AOPEP: variants seen among roughly 807,000 people sequenced by gnomAD.
The protein encoded by AOPEP is aminopeptidase O.
AOPEP carries 77 observed loss-of-function variants against 98.1 expected under a neutral mutation model. That is an observed-to-expected ratio of 0.78 (90% CI 0.65 to 0.95). The LOEUF is 0.95. Among genes scored for constraint, AOPEP ranks in the 40% least tolerant of loss-of-function variants. AOPEP has a pLI of 0.00. For synonymous variants in AOPEP, 346 were observed against 365.3 expected, an observed-to-expected ratio of 0.95 and a Z score of 0.60; for missense variants, 1,024 against 1,024.7, an observed-to-expected ratio of 1.00 and a Z score of 0.01.
intron 13 of AOPEP, among the ~76,000 whole-genome samples, chr9:95,031,759 T>C (rs1020680224): frequency 5.9e-5 from 9 of 152,222 alleles, no homozygotes; most frequent in African/African-American, 1.9e-4. Flanking sequence ...CTGGATCATG[T>C]CATTTCATGC....
chr9:94,831,859 C>A (rs184467199), intron 5 of AOPEP, among the ~76,000 whole-genome samples: 15 of 151,886 alleles, frequency 9.9e-5, no homozygotes, highest in African/African-American at 3.6e-4. Context: ...AACCACTGCT[C>A]AAGGAAATCA....
chr9:94,741,414 A>G (rs1833069127), intron 1 of AOPEP, among the ~76,000 whole-genome samples: 1 of 151,872 alleles, frequency 6.6e-6, no homozygotes, highest in African/African-American at 2.4e-5. Context: ...CTGGGACTAC[A>G]GGCGCCCGCC....
At chr9:94,773,212 G>T in intron 3 of AOPEP, 44 bp downstream of exon 3, 1 of 1,528,642 alleles carries the variant, frequency 6.5e-7, no homozygotes, top group Non-Finnish European at 8.9e-7. Flanking sequence ...TTGCACACAT[G>T]TGGACCCAGG....
In AOPEP at chr9:94,885,350, A is replaced by C. The variant is rs1172418484; in HGVS notation, c.1365-38636A>C. On this transcript the variant is annotated intron_variant, in intron 5 of 16. Coordinates refer to ENST00000375315, the MANE Select transcript of AOPEP (RefSeq NM_001193329.3). ...GGTGACAGAGTGAGATCCTGTCTCA[A>C]AAAAAAAAAAAAAAAAAAAAAAAAA... 1.6e-4 allele frequency among the ~76,000 whole-genome samples: 4 copies of C among 25,626 alleles called. No homozygotes were observed. In the East Asian group the frequency reaches 1.7e-3, roughly 11 times the overall value. The allele number at this position is 25,626 out of a possible 152,430, so 16.8% of individuals were successfully genotyped here. A position where few individuals can be genotyped will look rare whatever the true frequency, so the allele number is the denominator to read the frequency against.
At chr9:95,067,849 C>G (rs2068072257) in intron 14 of AOPEP, among the ~76,000 whole-genome samples, 1 of 152,188 alleles carries the variant, frequency 6.6e-6, no homozygotes, top group Admixed American at 6.5e-5. Context: ...TCATCCCTAG[C>G]TCCCCAGTCC....
At chr9:95,042,605 A>G (rs1213249686) in intron 13 of AOPEP, among the ~76,000 whole-genome samples, 1 of 152,186 alleles carries the variant, frequency 6.6e-6, no homozygotes, top group African/African-American at 2.4e-5. Flanking sequence ...AGGCTCTAGG[A>G]GAGAATCTAG....
chr9:94,933,390 A>G (rs954344618), intron 7 of AOPEP: 1 of 985,284 alleles, frequency 1.0e-6, no homozygotes, highest in African/African-American at 1.7e-5. Flanking sequence ...GTGATTTATT[A>G]TGACTTCTCT....
chr9:95,079,128 C>G (rs1413890375), intron 14 of AOPEP, among the ~76,000 whole-genome samples: 1 of 152,206 alleles, frequency 6.6e-6, no homozygotes, highest in African/African-American at 2.4e-5. Flanking sequence ...GCCTGCGAGC[C>G]CAGGGCCGCC....
intron 11 of AOPEP, among the ~76,000 whole-genome samples, chr9:94,989,609 CTTTTT>C: frequency 8.1e-6 from 1 of 123,958 alleles, no homozygotes; most frequent in African/African-American, 3.1e-5. Flanking sequence ...GTAACCCAAA[CTTTTT>C]TTTTTTTTTT....
chr9:94,864,105 A>T (rs1249917284), intron 5 of AOPEP, among the ~76,000 whole-genome samples: 1 of 152,146 alleles, frequency 6.6e-6, no homozygotes, highest in African/African-American at 2.4e-5. Flanking sequence ...GCCTTATCAG[A>T]CCCTTTATGA....
intron 5 of AOPEP, among the ~76,000 whole-genome samples, chr9:94,872,949 GGAA>G (rs2046515370): frequency 6.6e-6 from 1 of 152,148 alleles, no homozygotes; most frequent in Admixed American, 6.5e-5. Context: ...TAGCCAGGCA[GGAA>G]GATTTGTCAA....
chr9:94,854,860 C>T (rs2043981636), intron 5 of AOPEP, among the ~76,000 whole-genome samples: 1 of 151,626 alleles, frequency 6.6e-6, no homozygotes, highest in Non-Finnish European at 1.5e-5. Context: ...ACCAAACGAG[C>T]TCTACATATG....
At chr9:94,772,864 G>A (rs1279717452) in intron 2 of AOPEP, 138 bp from the exon 3 acceptor site, 2 of 800,442 alleles carry the variant, frequency 2.5e-6, no homozygotes, top group African/African-American at 1.7e-5. Context: ...AGTTCAAAAT[G>A]CTAGGAAACC....
In AOPEP at chr9:95,086,738, C is replaced by G. The variant is rs531053892; in HGVS notation, c.*61C>G. On this transcript the variant is annotated 3_prime_UTR_variant, in exon 17 of 17. Coordinates refer to ENST00000375315, the MANE Select transcript of AOPEP (RefSeq NM_001193329.3). The stretch of plus-strand genomic sequence containing the variant: ...TCCTCCTAGCCTGGGGGACCAGGCT[C>G]GAACTGACCCTGGACATCAAAGGAG... 2 of 988,128 alleles carry G rather than the reference C, an allele frequency of 2.0e-6. No individual in the cohort carries two copies. The highest frequency in any genetic ancestry group is 9.4e-5 in the South Asian group (2 of 21,378). 61.2% of individuals were successfully genotyped at this position (988,128 alleles called of 1,614,324 possible).
chr9:95,028,926 C>T (rs2064067201), intron 13 of AOPEP, among the ~76,000 whole-genome samples: 1 of 152,160 alleles, frequency 6.6e-6, no homozygotes, highest in Non-Finnish European at 1.5e-5. Flanking sequence ...AGCCATTGGC[C>T]CCAGATGTCC....
chr9:94,956,022 T>C lies in AOPEP; in HGVS notation c.1872+7T>C. On this transcript the variant is annotated splice_region_variant and intron_variant, in intron 9 of 16. Coordinates refer to ENST00000375315, the MANE Select transcript of AOPEP (RefSeq NM_001193329.3). ...ACAGCTGATTCTTTCCCAGGTAACT[T>C]ATGGGTCCTCATGAGTCCATGATGT... 1 of 1,553,322 alleles carries C rather than the reference T, an allele frequency of 6.4e-7. No homozygotes were observed. The highest frequency in any genetic ancestry group is 8.9e-7 in the Non-Finnish European group (1 of 1,125,080).
At chr9:94,815,393 A>G (rs1036571648) in intron 5 of AOPEP, among the ~76,000 whole-genome samples, 2 of 152,204 alleles carry the variant, frequency 1.3e-5, no homozygotes, top group African/African-American at 4.8e-5. Flanking sequence ...GTGGCCATTT[A>G]GGACAGAGTA....
intron 5 of AOPEP, among the ~76,000 whole-genome samples, chr9:94,858,084 A>G (rs76850261): frequency 1.4e-5 from 2 of 140,964 alleles, no homozygotes; most frequent in African/African-American, 5.2e-5. Context: ...TTCTAGTTTG[A>G]AAAAAAAAAA....
intron 1 of AOPEP, among the ~76,000 whole-genome samples, chr9:94,737,310 A>G (rs755407778): frequency 5.9e-5 from 9 of 152,146 alleles, no homozygotes; most frequent in South Asian, 2.1e-4. Flanking sequence ...GGGTCTTGCT[A>G]TATTGACCAG....
Sources: gnomAD v4.1 joint callset for allele counts (sites outside exome capture counted in the v4.1 genomes callset) on GRCh38, gnomAD v4.1.1 for gene constraint, MANE v1.5 for transcripts, NCBI Gene and HGNC (gene_info 2026-07-23, HGNC 2026-07-21) for gene names.